Variants in LRP1B observed in about 807,000 individuals in gnomAD.
The protein encoded by LRP1B is LDL receptor related protein 1B, also known as low-density lipoprotein receptor-related protein 1B.
A neutral mutation model predicts 556.6 loss-of-function variants in LRP1B; 217 were observed. That is an observed-to-expected ratio of 0.39 (90% confidence interval 0.35 to 0.44). LRP1B has a LOEUF of 0.44. Ranked by LOEUF, LRP1B falls within the 20% of genes least tolerant of loss-of-function variation. The probability of loss-of-function intolerance (pLI) is 1.00; values close to 1 mark genes in which losing one functional copy is unlikely to be tolerated. For synonymous variants in LRP1B, 2,047 were observed against 1,865.8 expected (o/e 1.10, Z -2.50); for missense variants, 5,053 against 5,620.8 (o/e 0.90, Z 3.23).
chr2:140,422,248 G>A (rs937626454), intron 66 of LRP1B, among the ~76,000 whole-genome samples: 1 of 152,104 alleles, frequency 6.6e-6, no homozygotes, highest in Non-Finnish European at 1.5e-5. Flanking sequence ...ATAAATATAC[G>A]ACACCGAAAA....
chr2:140,784,421 CAA>C (rs1246358415), intron 32 of LRP1B, among the ~76,000 whole-genome samples: 8 of 146,482 alleles, frequency 5.5e-5, no homozygotes, highest in Non-Finnish European at 9.0e-5. Flanking sequence ...CACACACACA[CAA>C]AAGGCTCAGT....
chr2:141,257,807 A>G (rs1170456577), intron 3 of LRP1B, among the ~76,000 whole-genome samples: 2 of 152,268 alleles, frequency 1.3e-5, no homozygotes, highest in Non-Finnish European at 2.9e-5. Flanking sequence ...TATGAATACT[A>G]AAATTTAAAA....
At chr2:140,915,318 T>A (rs776369400) in intron 21 of LRP1B, among the ~76,000 whole-genome samples, 2 of 151,934 alleles carry the variant, frequency 1.3e-5, no homozygotes, top group Non-Finnish European at 2.9e-5. Flanking sequence ...GAAAAGTGAC[T>A]AAGCTCCCAC....
chr2:141,015,683 A>G lies in LRP1B; in HGVS notation c.2190+13T>C, dbSNP rs1483703219. 2 of 1,591,770 alleles carry G rather than the reference A, an allele frequency of 1.3e-6. No homozygotes were observed. The highest frequency in any genetic ancestry group is 1.7e-6 in the Non-Finnish European group (2 of 1,161,016). On this transcript the variant is annotated intron_variant, in intron 13 of 90. Transcript: ENST00000389484. ...AAGCCTGTGGGTTAAAAACAGCAGC[A>G]TTTGTCTTTTACCTTCCTGTGAGTC...
At chr2:141,567,267 A>G (rs557204585) in intron 2 of LRP1B, among the ~76,000 whole-genome samples, 2 of 152,154 alleles carry the variant, frequency 1.3e-5, no homozygotes, top group South Asian at 4.1e-4. Flanking sequence ...TTTTTTTCCT[A>G]CTGAAGACAA....
chr2:140,547,959 G>GA (rs554822826), intron 43 of LRP1B, among the ~76,000 whole-genome samples: 5,287 of 114,932 alleles, frequency 0.046, 120 homozygotes, highest in African/African-American at 0.079. Context: ...CTGTAATCAG[G>GA]AAAAAAAAAA....
intron 35 of LRP1B, among the ~76,000 whole-genome samples, chr2:140,748,396 TC>T: frequency 1.1e-5 from 1 of 89,664 alleles, no homozygotes; most frequent in African/African-American, 4.0e-5. Context: ...TATATTATAT[TC>T]ATATATTATA....
intron 15 of LRP1B, among the ~76,000 whole-genome samples, chr2:141,001,083 C>T (rs920333529): frequency 6.6e-6 from 1 of 151,968 alleles, no homozygotes; most frequent in African/African-American, 2.4e-5. Context: ...AAATACTATT[C>T]AAATGTTAGT....
At chr2:141,459,800 T>C (rs935840746) in intron 3 of LRP1B, among the ~76,000 whole-genome samples, 5 of 152,194 alleles carry the variant, frequency 3.3e-5, no homozygotes, top group Non-Finnish European at 5.9e-5. Flanking sequence ...ATGAAACCTC[T>C]TTCTTTTGTA....
chr2:140,520,137 C>A (rs1690096084), intron 49 of LRP1B, among the ~76,000 whole-genome samples: 2 of 152,160 alleles, frequency 1.3e-5, no homozygotes, highest in South Asian at 4.1e-4. Flanking sequence ...AATCATGCTA[C>A]TATAAACACA....
rs78854746 is a variant in LRP1B, at chr2:141,322,780, T to C, written c.344-68139A>G. On this transcript the variant is annotated intron_variant, in intron 3 of 90. Coordinates refer to ENST00000389484, the MANE Select transcript of LRP1B (RefSeq NM_018557.3). Reference sequence around the variant, plus strand: ...TGTCTTTATTTCTAAACCACAAATATAGAATTAAAGGCATCTTAAATTTAA... The same window carrying C: ...TGTCTTTATTTCTAAACCACAAATACAGAATTAAAGGCATCTTAAATTTAA... Among the ~76,000 whole-genome samples, 331 of 152,198 alleles carry C rather than the reference T, an allele frequency of 2.2e-3. 19 individuals are homozygous for C. The East Asian group carries it at 0.06, about 28-fold the overall frequency.
chr2:141,517,014 A>AC (rs1450478346), intron 2 of LRP1B, among the ~76,000 whole-genome samples: 1 of 123,918 alleles, frequency 8.1e-6, no homozygotes, highest in Non-Finnish European at 1.7e-5. Flanking sequence ...TAAAAAAAAA[A>AC]AAAAAAAAAA....
chr2:141,539,225 T>C (rs1685168530), intron 2 of LRP1B, among the ~76,000 whole-genome samples: 1 of 152,112 alleles, frequency 6.6e-6, no homozygotes, highest in African/African-American at 2.4e-5. Context: ...GATTTAAGGA[T>C]GTATATAGTA....
chr2:140,748,096 T>C (rs1426407205), intron 35 of LRP1B, among the ~76,000 whole-genome samples: 1 of 12,228 alleles, frequency 8.2e-5, no homozygotes, highest in East Asian at 1.9e-3. Context: ...CCTATGAATA[T>C]ATATATATAT....
intron 7 of LRP1B, among the ~76,000 whole-genome samples, chr2:141,165,005 A>G (rs1680189251): frequency 6.6e-6 from 1 of 151,932 alleles, no homozygotes. Context: ...TGACTTTTCC[A>G]TCTTAAGAAT....
At position 141,017,786 on chromosome 2, in the gene LRP1B, G is replaced by A. The variant is rs572380961; in HGVS notation, c.1971-1871C>T. ...GAGGCAAGCGAATTGCTTGAGCCCA[G>A]GAGTTTGAGACCAGCCTGAGCAACA... On this transcript the variant is annotated intron_variant, in intron 12 of 90. Transcript: ENST00000389484. Among the ~76,000 whole-genome samples, 13 of 151,814 alleles carry A rather than the reference G, an allele frequency of 8.6e-5. 1 individual carries two copies. The highest frequency in any genetic ancestry group is 2.9e-4 in the African/African-American group (12 of 41,430).
intron 1 of LRP1B, among the ~76,000 whole-genome samples, chr2:141,957,390 G>C (rs961760976): frequency 1.2e-4 from 15 of 125,854 alleles, no homozygotes; most frequent in South Asian, 3.3e-4. Flanking sequence ...GTGTGGGGGG[G>C]GGGGGGCGGG....
intron 11 of LRP1B, among the ~76,000 whole-genome samples, chr2:141,035,318 C>A (rs975107946): frequency 6.6e-6 from 1 of 151,612 alleles, no homozygotes; most frequent in Admixed American, 6.6e-5. Flanking sequence ...AACTAACCTG[C>A]ACATTGTGCA....
At chr2:140,783,065 T>A (rs1689757084) in intron 32 of LRP1B, among the ~76,000 whole-genome samples, 1 of 152,210 alleles carries the variant, frequency 6.6e-6, no homozygotes, top group Non-Finnish European at 1.5e-5. Flanking sequence ...ATAACTTGAG[T>A]AATATAAATT....
Sources: gnomAD v4.1 joint callset for allele counts (sites outside exome capture counted in the v4.1 genomes callset) on GRCh38, gnomAD v4.1.1 for gene constraint, MANE v1.5 for transcripts, NCBI Gene and HGNC (gene_info 2026-07-23, HGNC 2026-07-21) for gene names.